Variants in HECTD4 observed in about 807,000 individuals in gnomAD.
The protein encoded by HECTD4 is HECT domain E3 ubiquitin protein ligase 4, also known as probable E3 ubiquitin-protein ligase HECTD4.
A neutral mutation model predicts 471.5 loss-of-function variants in HECTD4; 114 were observed. That is an observed-to-expected ratio of 0.24 (90% CI 0.21 to 0.28). HECTD4 has a LOEUF of 0.28. HECTD4 is among the 10% of genes least tolerant of loss of function. The pLI is 1.00. For missense variants in HECTD4, 3,866 were observed against 5,651.5 expected, an observed-to-expected ratio of 0.68 and a Z score of 10.13; for synonymous variants, 2,012 against 2,256.0, an observed-to-expected ratio of 0.89 and a Z score of 3.07.
At chr12:112,349,130 C>T (rs762324900) in intron 1 of HECTD4, among the ~76,000 whole-genome samples, 12 of 152,142 alleles carry the variant, frequency 7.9e-5, no homozygotes, top group African/African-American at 1.4e-4. Context: ...CGGTGGCTCA[C>T]GCCTGTAATC....
intron 2 of HECTD4, among the ~76,000 whole-genome samples, chr12:112,316,864 A>C (rs1328859363): frequency 1.3e-5 from 2 of 152,046 alleles, no homozygotes; most frequent in African/African-American, 4.8e-5. Context: ...TAAAAAAAAA[A>C]AAACCCAAGA....
intron 11 of HECTD4, 89 bp from the exon 12 acceptor site, chr12:112,270,548 C>T (rs913048322): frequency 3.6e-5 from 38 of 1,047,814 alleles, no homozygotes; most frequent in South Asian, 1.8e-4. Context: ...AAGGTGTGTG[C>T]GCACTAGAAA....
chr12:112,233,672 G>A (rs1404395584), intron 37 of HECTD4, among the ~76,000 whole-genome samples: 2 of 152,122 alleles, frequency 1.3e-5, no homozygotes, highest in African/African-American at 4.8e-5. Flanking sequence ...TGAAAATAAT[G>A]CACAAAATGA....
chr12:112,380,587 C>A (rs937487636), intron 1 of HECTD4, among the ~76,000 whole-genome samples: 7 of 152,178 alleles, frequency 4.6e-5, no homozygotes, highest in African/African-American at 1.7e-4. Context: ...TCAGACACAC[C>A]TTGCTTGTTA....
At chr12:112,302,278 CT>C in intron 7 of HECTD4, 2 of 877,664 alleles carry the variant, frequency 2.3e-6, no homozygotes, top group Non-Finnish European at 3.8e-6. Flanking sequence ...CAGGTGGTCT[CT>C]TAGTGGGGAC....
At chr12:112,331,851 G>T (rs2035848482) in intron 1 of HECTD4, among the ~76,000 whole-genome samples, 1 of 152,204 alleles carries the variant, frequency 6.6e-6, no homozygotes. Context: ...CCAGTGTCAG[G>T]GACAAGGGAG....
At chr12:112,268,384 GA>G (rs2034328922) in intron 13 of HECTD4, among the ~76,000 whole-genome samples, 1 of 152,208 alleles carries the variant, frequency 6.6e-6, no homozygotes, top group South Asian at 2.1e-4. Flanking sequence ...CTGTCATACA[GA>G]TCTTTCAGAC....
chr12:112,382,166 C>A lies in HECTD4; in HGVS notation c.-38G>T. The stretch of plus-strand genomic sequence containing the variant: ...AGGCTTGGCGCTGAGGAGCAGACGC[C>A]CGGCCGGGGGAAACGGAGCAGGAGC... On this transcript the variant is annotated 5_prime_UTR_variant, in exon 1 of 76. Transcript: ENST00000682272. 8.2e-7 allele frequency: 1 copy of A among 1,213,684 alleles called. No individual in the cohort carries two copies. Among genetic ancestry groups the A allele is most frequent in the Non-Finnish European group, 1.0e-6 (1 of 976,982 alleles). The allele number at this position is 1,213,684 out of a possible 1,614,324, so 75.2% of individuals were successfully genotyped here. A position where few individuals can be genotyped will look rare whatever the true frequency, so the allele number is the denominator to read the frequency against.
At chr12:112,242,301 A>G (rs1428232129) in intron 32 of HECTD4, among the ~76,000 whole-genome samples, 1 of 152,162 alleles carries the variant, frequency 6.6e-6, no homozygotes. Context: ...TATATAATGT[A>G]TATCTATGAG....
At chr12:112,247,143 AT>A (rs1182076275) in intron 28 of HECTD4, 67 bp from the exon 29 acceptor site, 3 of 1,278,192 alleles carry the variant, frequency 2.3e-6, no homozygotes, top group African/African-American at 3.0e-5. Flanking sequence ...TTAAAAAAAA[AT>A]GTTTACAAAG....
intron 69 of HECTD4, chr12:112,170,034 T>C: frequency 1.9e-6 from 1 of 538,026 alleles, no homozygotes; most frequent in Non-Finnish European, 3.3e-6. Context: ...TTCTCTCCCT[T>C]TCCTTTGATG....
intron 8 of HECTD4, among the ~76,000 whole-genome samples, 168 bp from the exon 9 acceptor site, chr12:112,279,554 A>T (rs2034591718): frequency 6.6e-6 from 1 of 152,234 alleles, no homozygotes; most frequent in African/African-American, 2.4e-5. Context: ...AAGGAAAAAA[A>T]TAATTATCTT....
chr12:112,221,987 G>T (rs1353350763), intron 44 of HECTD4, among the ~76,000 whole-genome samples: 9 of 149,700 alleles, frequency 6.0e-5, no homozygotes, highest in African/African-American at 2.2e-4. Context: ...GCAGTGGTGT[G>T]ATCTCGGCTC....
In HECTD4 at chr12:112,239,589, C is replaced by T. The variant is rs935114920; in HGVS notation, c.5105+292G>A. Among the ~76,000 whole-genome samples, 1 of 152,126 alleles carries T rather than the reference C, an allele frequency of 6.6e-6. No individual in the cohort carries two copies. Among genetic ancestry groups the T allele is most frequent in the African/African-American group, 2.4e-5 (1 of 41,418 alleles). The stretch of plus-strand genomic sequence containing the variant: ...AAGAGAGGAAATAAATGTATATATG[C>T]AAAATATTTCTGCCAAATATGTAAG... On this transcript the variant is annotated intron_variant, in intron 33 of 75. Transcript: ENST00000682272. The surrounding 1 kb of genome is among the most constrained non-coding windows in gnomAD (Gnocchi z 4.9).
At chr12:112,347,475 A>C (rs1395612742) in intron 1 of HECTD4, among the ~76,000 whole-genome samples, 3 of 152,162 alleles carry the variant, frequency 2.0e-5, no homozygotes, top group Non-Finnish European at 4.4e-5. Flanking sequence ...GCACCACTGC[A>C]CTCCAGCCTG....
chr12:112,375,745 C>T (rs1417884925), intron 1 of HECTD4, among the ~76,000 whole-genome samples: 1 of 151,886 alleles, frequency 6.6e-6, no homozygotes, highest in Non-Finnish European at 1.5e-5. Flanking sequence ...TTTTATTTCT[C>T]TTAAATGTAT....
chr12:112,239,017 A>G lies in HECTD4; in HGVS notation c.5290+35T>C. ...ATAAACTAACACACCAATAGAAGAA[A>G]TCAGTGAGCTCTAGAAAGGAGTCTG... On this transcript the variant is annotated intron_variant, in intron 34 of 75. Coordinates refer to ENST00000682272, the MANE Select transcript of HECTD4 (RefSeq NM_001388303.1). This position sits in a 1 kb window ranked among gnomAD's most constrained non-coding sequence, Gnocchi z 4.9. The G allele has an allele frequency of 6.4e-7, 1 of 1,558,854 alleles. No individual in the cohort carries two copies. Among genetic ancestry groups the G allele is most frequent in the Non-Finnish European group, 8.7e-7 (1 of 1,155,006 alleles).
intron 7 of HECTD4, chr12:112,301,934 G>T: frequency 2.1e-6 from 2 of 947,500 alleles, no homozygotes; most frequent in South Asian, 1.3e-5. Context: ...GCAAGCCACA[G>T]ACTTGGGACC....
intron 2 of HECTD4, among the ~76,000 whole-genome samples, chr12:112,314,831 C>G (rs1054649229): frequency 1.3e-5 from 2 of 152,156 alleles, no homozygotes; most frequent in African/African-American, 2.4e-5. Flanking sequence ...AAACATAAGG[C>G]TCGAGCACAA....
Sources: gnomAD v4.1 joint callset for allele counts (sites outside exome capture counted in the v4.1 genomes callset) on GRCh38, gnomAD v4.1.1 for gene constraint, Gnocchi (gnomAD v3.1) non-coding constraint, MANE v1.5 for transcripts, NCBI Gene and HGNC (gene_info 2026-07-23, HGNC 2026-07-21) for gene names.